Variants in EYS observed in about 807,000 individuals in gnomAD.
The protein encoded by EYS is EGF-like photoreceptor maintenance factor.
In EYS, 250 loss-of-function variants were observed where a neutral mutation model predicts 282.1. The observed-to-expected ratio is 0.89, with a 90% CI of 0.80 to 0.98. The LOEUF is 0.98. Among genes scored for constraint, EYS ranks in the 50% least tolerant of loss-of-function variants. The pLI is 0.00. For missense variants in EYS, 4,016 were observed against 3,709.0 expected, an observed-to-expected ratio of 1.08 and a Z score of -2.15; for synonymous variants, 1,355 against 1,282.9, an observed-to-expected ratio of 1.06 and a Z score of -1.20.
chr6:63,741,437 T>C (rs1769073095), intron 41 of EYS, among the ~76,000 whole-genome samples: 1 of 152,220 alleles, frequency 6.6e-6, no homozygotes, highest in African/African-American at 2.4e-5. Flanking sequence ...AAGATATGTG[T>C]TCTCAAAACA....
intron 26 of EYS, among the ~76,000 whole-genome samples, chr6:64,587,972 C>A (rs888138687): frequency 6.6e-6 from 1 of 151,902 alleles, no homozygotes; most frequent in Non-Finnish European, 1.5e-5. Context: ...AATTGTATCA[C>A]CAAGTTTTTC....
At chr6:64,393,007 C>G (rs1433422820) in intron 28 of EYS, among the ~76,000 whole-genome samples, 2 of 152,184 alleles carry the variant, frequency 1.3e-5, no homozygotes, top group Non-Finnish European at 1.5e-5. Context: ...CACCTCTACG[C>G]AAATACTAAA....
intron 13 of EYS, among the ~76,000 whole-genome samples, chr6:65,007,503 A>T (rs573609823): frequency 6.6e-6 from 1 of 152,168 alleles, no homozygotes; most frequent in Non-Finnish European, 1.5e-5. Context: ...TTGTAGGAAA[A>T]AGGCAAATGG....
At chr6:64,388,897 A>C (rs1773002759) in intron 28 of EYS, 57 bp from the exon 29 acceptor site, 1 of 1,093,652 alleles carries the variant, frequency 9.1e-7, no homozygotes, top group East Asian at 3.1e-5. Context: ...CATTTATCTG[A>C]CAAATTAATT....
intron 1 of EYS, among the ~76,000 whole-genome samples, chr6:65,693,204 T>G (rs1769308435): frequency 6.7e-6 from 1 of 149,630 alleles, no homozygotes; most frequent in African/African-American, 2.4e-5. Context: ...CAGCCTTACT[T>G]CTGTTTTATT....
chr6:64,117,664 A>T (rs887708310), intron 31 of EYS, among the ~76,000 whole-genome samples: 1 of 151,854 alleles, frequency 6.6e-6, no homozygotes, highest in African/African-American at 2.4e-5. Context: ...AGTAAAAAAA[A>T]AATTCTTACT....
At chr6:65,675,065 T>C (rs73455550) in intron 1 of EYS, among the ~76,000 whole-genome samples, 3,937 of 151,940 alleles carry the variant, frequency 0.026, 164 homozygotes, top group African/African-American at 0.089. Flanking sequence ...TTATAAGACG[T>C]TTTATGGAAG....
chr6:65,642,984 G>A (rs1487485171), intron 1 of EYS, among the ~76,000 whole-genome samples: 2 of 152,284 alleles, frequency 1.3e-5, no homozygotes, highest in East Asian at 1.9e-4. Context: ...ATAAAATTTT[G>A]CTCCAAGAAC....
chr6:65,377,385 G>A (rs1765410178), intron 8 of EYS, among the ~76,000 whole-genome samples: 1 of 152,034 alleles, frequency 6.6e-6, no homozygotes, highest in Non-Finnish European at 1.5e-5. Context: ...CTATTTACAG[G>A]GAAATTTATA....
chr6:64,295,488 AAG>A (rs1491352061), intron 30 of EYS, among the ~76,000 whole-genome samples: 22 of 41,128 alleles, frequency 5.3e-4, no homozygotes, highest in Admixed American at 4.2e-3. Flanking sequence ...GAAGAAGAAG[AAG>A]AAGAAGAAAG....
chr6:65,059,967 C>T (rs1336237696), intron 12 of EYS, among the ~76,000 whole-genome samples: 1 of 151,914 alleles, frequency 6.6e-6, no homozygotes, highest in Non-Finnish European at 1.5e-5. Context: ...TCACCCTGTC[C>T]CTCTCTAGGT....
At chr6:64,876,888 T>C (rs1766766297) in intron 19 of EYS, among the ~76,000 whole-genome samples, 1 of 152,090 alleles carries the variant, frequency 6.6e-6, no homozygotes, top group Admixed American at 6.6e-5. Context: ...GTAAGGAGTA[T>C]GTGCTTTGTT....
intron 36 of EYS, among the ~76,000 whole-genome samples, chr6:63,827,884 A>T (rs1582249432): frequency 6.6e-6 from 1 of 151,306 alleles, no homozygotes; most frequent in Non-Finnish European, 1.5e-5. Flanking sequence ...AATTACATCA[A>T]GCACTCTCTC....
At chr6:64,144,591 C>G (rs2150290262) in intron 31 of EYS, among the ~76,000 whole-genome samples, 1 of 152,250 alleles carries the variant, frequency 6.6e-6, no homozygotes, top group Non-Finnish European at 1.5e-5. Context: ...TCCACGTTCT[C>G]CTACATGGTG....
chr6:64,871,074 A>G (rs915882989), intron 19 of EYS, among the ~76,000 whole-genome samples: 2 of 151,908 alleles, frequency 1.3e-5, no homozygotes, highest in Non-Finnish European at 2.9e-5. Flanking sequence ...AGTCAAAAAT[A>G]TGAACATCCA....
At chr6:65,428,835 T>C (rs1231386771) in intron 5 of EYS, among the ~76,000 whole-genome samples, 1 of 152,110 alleles carries the variant, frequency 6.6e-6, no homozygotes, top group Non-Finnish European at 1.5e-5. Context: ...CTGTGCTTCA[T>C]TGCTAATAAA....
intron 28 of EYS, among the ~76,000 whole-genome samples, chr6:64,404,184 T>A (rs934722328): frequency 6.6e-6 from 1 of 152,186 alleles, no homozygotes; most frequent in Admixed American, 6.6e-5. Context: ...CAACAACTCA[T>A]AAAATCTATT....
intron 24 of EYS, among the ~76,000 whole-genome samples, chr6:64,612,155 T>G (rs1222716364): frequency 6.6e-6 from 1 of 152,140 alleles, no homozygotes; most frequent in Non-Finnish European, 1.5e-5. Flanking sequence ...GCTGTCCTTC[T>G]GTAGAACTCA....
chr6:63,839,644 C>T (rs950298200), intron 36 of EYS, among the ~76,000 whole-genome samples: 1 of 152,102 alleles, frequency 6.6e-6, no homozygotes, highest in Non-Finnish European at 1.5e-5. Context: ...TCACAGTGCC[C>T]AGCCTTGGTT....
Sources: allele counts gnomAD v4.1 joint callset (sites outside exome capture counted in the v4.1 genomes callset), GRCh38; gene constraint gnomAD v4.1.1; transcripts MANE v1.5; gene names NCBI Gene and HGNC (gene_info 2026-07-23, HGNC 2026-07-21).